Variants in FCRL1 observed in about 807,000 individuals in gnomAD.
FCRL1 encodes Fc receptor-like protein 1.
A neutral mutation model predicts 49.2 loss-of-function variants in FCRL1; 34 were observed. The ratio of observed to expected loss-of-function variants is 0.69; its 90% confidence interval spans 0.53 to 0.92. The LOEUF (loss-of-function observed/expected upper bound fraction) is 0.92. Ranked by LOEUF, FCRL1 falls within the 40% of genes least tolerant of loss-of-function variation. The pLI, the probability that FCRL1 is intolerant of heterozygous loss-of-function variation, is 0.00. For synonymous variants in FCRL1, 218 were observed against 201.6 expected (o/e 1.08, Z -0.69); for missense variants, 524 against 524.1 (o/e 1.00, Z 0.00).
chr1:157,804,202 A>C, intron 2 of FCRL1, 91 bp from the exon 3 acceptor site: 55 of 1,505,962 alleles, frequency 3.7e-5, no homozygotes, highest in East Asian at 4.5e-5. Flanking sequence ...AACAAGACTC[A>C]AAGAAACAGC....
intron 9 of FCRL1, among the ~76,000 whole-genome samples, chr1:157,797,512 G>A (rs963389586): frequency 1.3e-5 from 2 of 152,284 alleles, no homozygotes; most frequent in South Asian, 2.1e-4. Context: ...CACATGACTG[G>A]GGAGCGAGGC....
chr1:157,798,692 A>G (rs1340975644), intron 7 of FCRL1, among the ~76,000 whole-genome samples: 1 of 152,208 alleles, frequency 6.6e-6, no homozygotes, highest in Non-Finnish European at 1.5e-5. Flanking sequence ...TGTTGGCATA[A>G]ATGATAATAC....
At chr1:157,816,822 T>TAGATAGAC (rs992389322) in intron 1 of FCRL1, among the ~76,000 whole-genome samples, 3 of 148,994 alleles carry the variant, frequency 2.0e-5, no homozygotes, top group African/African-American at 7.6e-5. Flanking sequence ...GATAGATAGA[T>TAGATAGAC]AGACAAAATA....
intron 1 of FCRL1, among the ~76,000 whole-genome samples, chr1:157,807,801 T>C (rs1323029605): frequency 3.3e-5 from 5 of 152,222 alleles, no homozygotes; most frequent in Admixed American, 6.5e-5. Context: ...GACACAGATT[T>C]GAGTACTGGC....
chr1:157,811,465 G>A (rs932017912), intron 1 of FCRL1, among the ~76,000 whole-genome samples: 5 of 152,162 alleles, frequency 3.3e-5, no homozygotes, highest in Non-Finnish European at 7.4e-5. Flanking sequence ...AAAACAAAAG[G>A]TAAAGAAGTC....
chr1:157,803,440 C>T (rs60186778), intron 3 of FCRL1, among the ~76,000 whole-genome samples: 11,659 of 152,246 alleles, frequency 0.077, 1,481 homozygotes, highest in African/African-American at 0.26. Flanking sequence ...CACACTCCTT[C>T]AGCAAAGCCT....
rs1651595742 is a variant in FCRL1 at position 157,796,993 on chromosome 1, A to G, written c.1218+108T>C. ...TTGCTTTGGGATGTAGGGAAGAGGT[A>G]GACCATGGGATTTTTGCTCTTTCTA... On this transcript the variant is annotated intron_variant, in intron 10 of 10. Transcript: ENST00000368176. 1.7e-5 allele frequency: 17 copies of G among 1,007,828 alleles called. 1 individual carries two copies. In the South Asian group the frequency reaches 2.3e-4, roughly 14 times the overall value. 62.4% of individuals were successfully genotyped at this position (1,007,828 alleles called of 1,614,324 possible). A position where few individuals can be genotyped will look rare whatever the true frequency, so the allele number is the denominator to read the frequency against.
Position 157,801,499 on chromosome 1 carries a change from A to T in FCRL1, c.965T>A (p.Val322Glu), listed in dbSNP as rs1652460780. 3.1e-6 allele frequency: 5 copies of T among 1,614,076 alleles called. No individual in the cohort carries two copies. The highest frequency in any genetic ancestry group is 3.4e-6 in the Non-Finnish European group (4 of 1,179,950). Residue 322 changes from valine to glutamate, a missense_variant, in exon 6 of 11, where the codon GTG becomes GAG. Coordinates refer to ENST00000368176, the MANE Select transcript of FCRL1 (RefSeq NM_052938.5). ...GAGGCCGTAGCAAAATAATAAGGCC[A>T]CGGTGGCTGGACCAAGGGTGCTGAG... ...GLLSTLGPAT[V>E]ALLFCYGLKR...
chr1:157,806,459 A>G (rs141929703), intron 2 of FCRL1, among the ~76,000 whole-genome samples: 538 of 152,226 alleles, frequency 3.5e-3, no homozygotes, highest in Admixed American at 6.2e-3. Flanking sequence ...GGGGAAAGGG[A>G]TTGCTTACTC....
intron 1 of FCRL1, among the ~76,000 whole-genome samples, chr1:157,816,810 T>TAGATAGAC (rs1655090454): frequency 6.6e-6 from 1 of 151,538 alleles, no homozygotes; most frequent in Non-Finnish European, 1.5e-5. Context: ...GATAGATAGA[T>TAGATAGAC]AGATAGATAG....
Position 157,803,847 on chromosome 1 carries a change from T to A in FCRL1, c.317A>T (p.His106Leu). 6.2e-7 allele frequency: 1 copy of A among 1,613,838 alleles called. No homozygotes were observed. The highest frequency in any genetic ancestry group is 8.5e-7 in the Non-Finnish European group (1 of 1,179,754). Residue 106 changes from histidine (H) to leucine (L), a missense_variant and splice_region_variant, in exon 3 of 11, where the codon CAC becomes CTC. Coordinates refer to ENST00000368176, the MANE Select transcript of FCRL1 (RefSeq NM_052938.5). Reference protein sequence around the residue: ...LRSRRSQINVHRVPVADVSLE... With the variant: ...LRSRRSQINVLRVPVADVSLE... ...AGACTGACCCCACTGACACTCACTG[T>A]GCACATTTATCTGGGATCTCCTGCT...
Position 157,794,973 on chromosome 1 carries a change from T to C in FCRL1, c.*1126A>G, listed in dbSNP as rs1301293197. ...ACTTACATGTATGCATAAGTATACA[T>C]ACAAAAATAGAAAAATATCTAGAGA... On this transcript the variant is annotated 3_prime_UTR_variant, in exon 11 of 11. Coordinates refer to ENST00000368176, the MANE Select transcript of FCRL1 (RefSeq NM_052938.5). 5 of 152,214 alleles carry C rather than the reference T, an allele frequency of 3.3e-5. No individual in the cohort carries two copies. Among genetic ancestry groups the C allele is most frequent in the African/African-American group, 7.2e-5 (3 of 41,458 alleles). The allele number at this position is 152,214 out of a possible 1,614,324, so 9.4% of individuals were successfully genotyped here. A position where few individuals can be genotyped will look rare whatever the true frequency, so the allele number is the denominator to read the frequency against.
At chr1:157,805,831 G>A in intron 2 of FCRL1, among the ~76,000 whole-genome samples, 1 of 152,190 alleles carries the variant, frequency 6.6e-6, no homozygotes, top group Non-Finnish European at 1.5e-5. Context: ...AGGAGGCAGA[G>A]GTAGCAGTGA....
chr1:157,797,208 T>C (rs1366208887), intron 9 of FCRL1, 76 bp from the exon 10 acceptor site: 2 of 1,319,288 alleles, frequency 1.5e-6, no homozygotes, highest in Admixed American at 3.4e-5. Flanking sequence ...TAAGAAAAGC[T>C]TCTTCCTCTC....
Position 157,817,036 on chromosome 1 carries a change from G to GGA in FCRL1, c.31+2970_31+2971insTC, listed in dbSNP as rs1233871337. ...GCAAATAAATTGAAAGATATCACATGTTCATGGATTGGAAGAATAAATACT... is the reference window on the plus strand; with the variant it reads ...GCAAATAAATTGAAAGATATCACATGGATTCATGGATTGGAAGAATAAATACT... On this transcript the variant is annotated intron_variant, in intron 1 of 10. Transcript: ENST00000368176. Among the ~76,000 whole-genome samples, 17 of 151,926 alleles carry GGA rather than the reference G, an allele frequency of 1.1e-4. 1 individual carries two copies. Among genetic ancestry groups the GGA allele is most frequent in the Non-Finnish European group, 2.9e-5 (2 of 67,890 alleles).
At chr1:157,808,425 A>G (rs572980875) in intron 1 of FCRL1, among the ~76,000 whole-genome samples, 48 of 152,188 alleles carry the variant, frequency 3.2e-4, no homozygotes, top group Admixed American at 1.0e-3. Context: ...AATATTTGGG[A>G]AAGAGCATCC....
intron 2 of FCRL1, 131 bp downstream of exon 2, chr1:157,806,971 C>T (rs1571381210): frequency 3.1e-6 from 3 of 963,372 alleles, no homozygotes; most frequent in Non-Finnish European, 3.2e-6. Flanking sequence ...GTTTGTACAC[C>T]TCAGCAGCTG....
intron 1 of FCRL1, among the ~76,000 whole-genome samples, chr1:157,809,715 C>T (rs933805920): frequency 6.6e-6 from 1 of 152,298 alleles, no homozygotes; most frequent in Admixed American, 6.5e-5. Flanking sequence ...CCACCTTGGC[C>T]TCCCAAAGTC....
At chr1:157,811,305 T>C (rs1250835425) in intron 1 of FCRL1, among the ~76,000 whole-genome samples, 1 of 152,140 alleles carries the variant, frequency 6.6e-6, no homozygotes, top group Non-Finnish European at 1.5e-5. Context: ...AGCAGGGGAA[T>C]GGCAGAAATC....
Sources: allele counts gnomAD v4.1 joint callset (sites outside exome capture counted in the v4.1 genomes callset), GRCh38; gene constraint gnomAD v4.1.1; transcripts MANE v1.5; gene names NCBI Gene and HGNC (gene_info 2026-07-23, HGNC 2026-07-21).